Variants in RPSA2 observed in about 807,000 individuals in gnomAD.
RPSA2 encodes small ribosomal subunit protein uS2B.
chr19:23,840,508 A>G, the RPSA2 span, among the ~76,000 whole-genome samples: 7 of 152,350 alleles, frequency 4.6e-5, no homozygotes, highest in African/African-American at 1.7e-4. Context: ...TGAATGCTCC[A>G]TCAGCTCTAT....
chr19:23,764,397 AT>A, the RPSA2 span, among the ~76,000 whole-genome samples: 1 of 152,164 alleles, frequency 6.6e-6, no homozygotes, highest in South Asian at 2.1e-4. Context: ...TTTATTGTGC[AT>A]TTCAGACACA....
chr19:23,764,094 G>C, the RPSA2 span, among the ~76,000 whole-genome samples: 1 of 152,004 alleles, frequency 6.6e-6, no homozygotes. Context: ...ATATAAACTC[G>C]AGTTAGGTTT....
At chr19:23,861,375 T>C in the RPSA2 span, among the ~76,000 whole-genome samples, 1 of 152,046 alleles carries the variant, frequency 6.6e-6, no homozygotes, top group Non-Finnish European at 1.5e-5. Flanking sequence ...CCACAAGAGA[T>C]AAGAGAGCCC....
chr19:23,860,172 A>T, the RPSA2 span, among the ~76,000 whole-genome samples: 2 of 152,174 alleles, frequency 1.3e-5, no homozygotes, highest in South Asian at 4.1e-4. Context: ...TTGATGGCTC[A>T]TAACACCCTA....
chr19:23,776,856 C>G, the RPSA2 span, among the ~76,000 whole-genome samples: 8 of 152,218 alleles, frequency 5.3e-5, no homozygotes, highest in African/African-American at 1.9e-4. Flanking sequence ...GGCATTGTAA[C>G]ATATCACTTG....
chr19:23,829,129 A>G, the RPSA2 span, among the ~76,000 whole-genome samples: 7 of 152,102 alleles, frequency 4.6e-5, no homozygotes, highest in Non-Finnish European at 1.0e-4. Context: ...CTCTTATTTG[A>G]TTAATGTTTG....
At chr19:23,788,877 T>C in the RPSA2 span, among the ~76,000 whole-genome samples, 4 of 152,192 alleles carry the variant, frequency 2.6e-5, no homozygotes, top group South Asian at 8.3e-4. Context: ...GAAAAGATTG[T>C]AACATATCAC....
At chr19:23,866,039 C>T in the RPSA2 span, among the ~76,000 whole-genome samples, 17 of 152,234 alleles carry the variant, frequency 1.1e-4, no homozygotes, top group Admixed American at 5.9e-4. Context: ...AGAATCGCAC[C>T]GCTCTTCAAG....
At chr19:23,859,873 T>G in the RPSA2 span, among the ~76,000 whole-genome samples, 2 of 152,210 alleles carry the variant, frequency 1.3e-5, no homozygotes, top group Admixed American at 6.5e-5. Flanking sequence ...AGTAAAACCC[T>G]GTTAGGGAAG....
At chr19:23,824,751 T>A in the RPSA2 span, among the ~76,000 whole-genome samples, 1 of 151,534 alleles carries the variant, frequency 6.6e-6, no homozygotes, top group Non-Finnish European at 1.5e-5. Flanking sequence ...CATCTTCACC[T>A]TTTATTTTGG....
the RPSA2 span, chr19:23,808,005 G>A: frequency 1.4e-5 from 3 of 211,342 alleles, no homozygotes; most frequent in Admixed American, 1.1e-4. Context: ...TTTGTAGAAT[G>A]TTTTCTGGTA....
At chr19:23,830,481 TC>T in the RPSA2 span, among the ~76,000 whole-genome samples, 1 of 152,224 alleles carries the variant, frequency 6.6e-6, no homozygotes, top group Non-Finnish European at 1.5e-5. Flanking sequence ...TCAAAGATAA[TC>T]TTTTTGTCTT....
At chr19:23,789,907 A>G in the RPSA2 span, among the ~76,000 whole-genome samples, 97 of 152,052 alleles carry the variant, frequency 6.4e-4, no homozygotes, top group African/African-American at 2.1e-3. Context: ...AGAACTCCTG[A>G]CCTCAGGTGA....
the RPSA2 span, among the ~76,000 whole-genome samples, chr19:23,766,021 C>G: frequency 2.6e-5 from 4 of 151,832 alleles, no homozygotes; most frequent in Admixed American, 6.6e-5. Flanking sequence ...GTGATCAATT[C>G]TGCCACTAAC....
chr19:23,844,980 G>T, the RPSA2 span, among the ~76,000 whole-genome samples: 1 of 147,960 alleles, frequency 6.8e-6, no homozygotes, highest in Admixed American at 6.8e-5. Context: ...TTTCTTCCTG[G>T]CTCTATCTTG....
chr19:23,864,061 C>A, the RPSA2 span, among the ~76,000 whole-genome samples: 1 of 152,064 alleles, frequency 6.6e-6, no homozygotes. Flanking sequence ...ACAAGAAGAC[C>A]GAACATGCAC....
chr19:23,859,360 G>A, the RPSA2 span, among the ~76,000 whole-genome samples: 2 of 152,168 alleles, frequency 1.3e-5, no homozygotes, highest in Non-Finnish European at 2.9e-5. Flanking sequence ...TGGGTGCGAT[G>A]CCTCACACCT....
At chr19:23,798,264 A>G in the RPSA2 span, among the ~76,000 whole-genome samples, 2 of 152,216 alleles carry the variant, frequency 1.3e-5, no homozygotes, top group Non-Finnish European at 2.9e-5. Flanking sequence ...AAGGACTAAA[A>G]GATATTGGTA....
the RPSA2 span, chr19:23,828,126 A>AAG: frequency 9.4e-4 from 553 of 586,058 alleles, 23 homozygotes; most frequent in Middle Eastern, 1.4e-3. Context: ...AAAAAAAAAA[A>AAG]AAAAAAAAAT....
Sources: gnomAD v4.1 joint callset for allele counts (sites outside exome capture counted in the v4.1 genomes callset) on GRCh38, gnomAD v4.1.1 for gene constraint, MANE v1.5 for transcripts, NCBI Gene and HGNC (gene_info 2026-07-23, HGNC 2026-07-21) for gene names.